Variants in RAPGEF5 observed in about 807,000 individuals in gnomAD.
RAPGEF5 encodes the protein M-Ras-regulated GEF.
A neutral mutation model predicts 125.2 loss-of-function variants in RAPGEF5; 65 were observed. The ratio of observed to expected loss-of-function variants is 0.52; its 90% CI spans 0.43 to 0.64. RAPGEF5 has a LOEUF of 0.64. Ranked by LOEUF, RAPGEF5 falls within the 30% of genes least tolerant of loss-of-function variation. The pLI is 0.00. For missense variants in RAPGEF5, 958 were observed against 1,048.1 expected (o/e 0.91, Z 1.19); for synonymous variants, 391 against 385.9 (o/e 1.01, Z -0.16).
intron 11 of RAPGEF5, among the ~76,000 whole-genome samples, chr7:22,177,647 A>G (rs1179467784): frequency 6.6e-6 from 1 of 152,256 alleles, no homozygotes; most frequent in Non-Finnish European, 1.5e-5. Context: ...GGCTTTACCT[A>G]CATGGCCTGC....
At chr7:22,335,261 C>T (rs1026422455) in intron 1 of RAPGEF5, among the ~76,000 whole-genome samples, 1 of 152,224 alleles carries the variant, frequency 6.6e-6, no homozygotes, top group Non-Finnish European at 1.5e-5. Context: ...TGATCAGCTA[C>T]ACAAGTTCAC....
chr7:22,214,952 A>G (rs563091745), intron 9 of RAPGEF5, among the ~76,000 whole-genome samples: 1 of 152,350 alleles, frequency 6.6e-6, no homozygotes, highest in East Asian at 1.9e-4. Context: ...TTGAAATAAT[A>G]TAATTTATCT....
chr7:22,347,069 C>A (rs1349945979), intron 1 of RAPGEF5, among the ~76,000 whole-genome samples: 5 of 151,982 alleles, frequency 3.3e-5, no homozygotes, highest in African/African-American at 1.2e-4. Context: ...CTAAAAAAAG[C>A]TGTAAGAAAA....
At chr7:22,204,439 T>A (rs938963763) in intron 9 of RAPGEF5, among the ~76,000 whole-genome samples, 1 of 152,176 alleles carries the variant, frequency 6.6e-6, no homozygotes, top group African/African-American at 2.4e-5. Context: ...TGCATGTGTG[T>A]ACGTGAGGAA....
intron 7 of RAPGEF5, among the ~76,000 whole-genome samples, chr7:22,260,790 A>G (rs1276065383): frequency 6.6e-6 from 1 of 152,328 alleles, no homozygotes; most frequent in Non-Finnish European, 1.5e-5. Flanking sequence ...AAGAAAAGTA[A>G]GAAGAGACTT....
chr7:22,156,714 G>A (rs1783819791), intron 16 of RAPGEF5, 96 bp downstream of exon 16: 2 of 1,572,804 alleles, frequency 1.3e-6, no homozygotes, highest in South Asian at 1.2e-5. Context: ...GGTGACAGCT[G>A]GAAATGAAGG....
rs375883470 is a variant in RAPGEF5 at position 22,142,639 on chromosome 7, C to T, written c.2186+2405G>A. 2.0e-5 allele frequency among the ~76,000 whole-genome samples: 3 copies of T among 152,314 alleles called. No homozygotes were observed. In the South Asian group the frequency reaches 6.2e-4, roughly 32 times the overall value. On this transcript the variant is annotated intron_variant, in intron 20 of 25. Coordinates refer to ENST00000665637, the MANE Select transcript of RAPGEF5 (RefSeq NM_012294.5). ...ACAGTGCAAATATTAGATGCCATTC[C>T]AGGCTGGAATCCTCTGTTAACGAGG...
chr7:22,301,614 C>CAAA (rs35404390), intron 5 of RAPGEF5, among the ~76,000 whole-genome samples: 16 of 83,760 alleles, frequency 1.9e-4, no homozygotes, highest in African/African-American at 4.7e-4. Flanking sequence ...GACTCTGTCT[C>CAAA]AAAAAAAAAA....
At position 22,140,059 on chromosome 7, in the gene RAPGEF5, G is replaced by C; in HGVS notation, c.2243C>G (p.Thr748Ser). Residue 748 changes from threonine (T) to serine (S), a missense_variant, in exon 21 of 26, where the codon ACT becomes AGT. Thr to Ser is a moderately conservative substitution (Grantham distance 58). Transcript: ENST00000665637. ...CTGCGACAGTCGACTGACAGAAGCA[G>C]TGTTGAGACCCATCACAATGGCAAA... ...SFFAIVMGLN[T>S]ASVSRLSQTW... is the part of the protein sequence containing the mutation. The C allele has an allele frequency of 6.4e-7, 1 of 1,569,352 alleles. No individual in the cohort carries two copies. Among genetic ancestry groups the C allele is most frequent in the Non-Finnish European group, 8.6e-7 (1 of 1,156,706 alleles).
intron 19 of RAPGEF5, among the ~76,000 whole-genome samples, chr7:22,146,074 C>T (rs532417310): frequency 1.3e-5 from 2 of 152,010 alleles, no homozygotes; most frequent in Non-Finnish European, 2.9e-5. Flanking sequence ...TCCAAAGACA[C>T]AAGTCATTTA....
intron 6 of RAPGEF5, 136 bp from the exon 7 acceptor site, chr7:22,267,148 T>C (rs1235760713): frequency 1.3e-6 from 1 of 776,176 alleles, no homozygotes; most frequent in African/African-American, 1.8e-5. Flanking sequence ...CAGCACTTTT[T>C]TGATTTTTGC....
At chr7:22,319,770 CT>C (rs1443297210) in intron 1 of RAPGEF5, among the ~76,000 whole-genome samples, 2 of 151,950 alleles carry the variant, frequency 1.3e-5, no homozygotes, top group African/African-American at 4.8e-5. Flanking sequence ...TATTACTCAT[CT>C]AATTGCCTGA....
chr7:22,324,848 A>G (rs1021910476), intron 1 of RAPGEF5, among the ~76,000 whole-genome samples: 3 of 152,152 alleles, frequency 2.0e-5, no homozygotes, highest in African/African-American at 4.8e-5. Context: ...TTAACACAAC[A>G]AACATATATT....
At chr7:22,168,274 G>A (rs1230768326) in intron 11 of RAPGEF5, among the ~76,000 whole-genome samples, 1 of 152,146 alleles carries the variant, frequency 6.6e-6, no homozygotes, top group Non-Finnish European at 1.5e-5. Flanking sequence ...ATCTTTATAA[G>A]AGTCCTGAGA....
chr7:22,321,357 A>T (rs1783711868), intron 1 of RAPGEF5, among the ~76,000 whole-genome samples: 1 of 152,254 alleles, frequency 6.6e-6, no homozygotes, highest in Non-Finnish European at 1.5e-5. Flanking sequence ...CATGAAACTG[A>T]GTCTGAAGCA....
intron 7 of RAPGEF5, among the ~76,000 whole-genome samples, chr7:22,234,069 A>G (rs552927099): frequency 6.6e-6 from 1 of 152,286 alleles, no homozygotes; most frequent in Non-Finnish European, 1.5e-5. Flanking sequence ...AAATAGGAAA[A>G]ATTATAATTC....
At chr7:22,259,302 A>G (rs1380672377) in intron 7 of RAPGEF5, among the ~76,000 whole-genome samples, 1 of 152,206 alleles carries the variant, frequency 6.6e-6, no homozygotes, top group African/African-American at 2.4e-5. Context: ...ATATCACTAC[A>G]CATCTATTAA....
At chr7:22,123,263 G>A (rs1390588899) in intron 25 of RAPGEF5, among the ~76,000 whole-genome samples, 1 of 152,178 alleles carries the variant, frequency 6.6e-6, no homozygotes, top group Non-Finnish European at 1.5e-5. Context: ...TCCACACCCT[G>A]CTAGCGTCCG....
chr7:22,333,612 TA>T (rs537265004), intron 1 of RAPGEF5, among the ~76,000 whole-genome samples: 127 of 152,272 alleles, frequency 8.3e-4, no homozygotes, highest in African/African-American at 2.9e-3. Context: ...AAAACCTTCA[TA>T]GGGGTAGGAT....
Sources: allele counts gnomAD v4.1 joint callset (sites outside exome capture counted in the v4.1 genomes callset), GRCh38; gene constraint gnomAD v4.1.1; transcripts MANE v1.5; gene names NCBI Gene and HGNC (gene_info 2026-07-23, HGNC 2026-07-21).